EPHA6: variants seen among roughly 807,000 people sequenced by gnomAD.
The protein encoded by EPHA6 is ephrin type-A receptor 6.
In EPHA6, 50 loss-of-function variants were observed where a neutral mutation model predicts 112.0. The ratio of observed to expected loss-of-function variants is 0.45; its 90% confidence interval spans 0.36 to 0.56. EPHA6 has a LOEUF of 0.56. EPHA6 is among the 20% of genes least tolerant of loss of function. The probability of loss-of-function intolerance (pLI) is 0.00; values close to 1 mark genes in which losing one functional copy is unlikely to be tolerated. For missense variants in EPHA6, 1,280 were observed against 1,417.4 expected (o/e 0.90, Z 1.56); for synonymous variants, 529 against 490.7 (o/e 1.08, Z -1.03).
At chr3:96,833,131 G>A (rs2034191692) in intron 1 of EPHA6, among the ~76,000 whole-genome samples, 1 of 150,216 alleles carries the variant, frequency 6.7e-6, no homozygotes, top group Non-Finnish European at 1.5e-5. Flanking sequence ...TTTGTAAATA[G>A]TGTTATTGCA....
intron 14 of EPHA6, among the ~76,000 whole-genome samples, chr3:97,680,702 A>G (rs2031794400): frequency 6.6e-6 from 1 of 152,174 alleles, no homozygotes; most frequent in Non-Finnish European, 1.5e-5. Flanking sequence ...TCATATCCCC[A>G]GTGTCAAACC....
At chr3:96,843,663 G>T (rs1158894539) in intron 1 of EPHA6, among the ~76,000 whole-genome samples, 2 of 151,928 alleles carry the variant, frequency 1.3e-5, no homozygotes, top group Non-Finnish European at 2.9e-5. Context: ...GTGTTGGAGC[G>T]AGGAGCAAGG....
At chr3:97,651,416 C>T (rs2094106692) in intron 14 of EPHA6, among the ~76,000 whole-genome samples, 3 of 151,890 alleles carry the variant, frequency 2.0e-5, no homozygotes, top group African/African-American at 7.2e-5. Context: ...GCATATTGAA[C>T]ACAAAAGGAT....
intron 3 of EPHA6, among the ~76,000 whole-genome samples, chr3:97,122,073 G>A (rs9812537): frequency 0.066 from 9,968 of 151,940 alleles, 373 homozygotes; most frequent in Middle Eastern, 0.14. Flanking sequence ...GTTTACATAC[G>A]TGCCCTCAAT....
chr3:96,832,660 A>G (rs1443607154), intron 1 of EPHA6, among the ~76,000 whole-genome samples: 1 of 152,068 alleles, frequency 6.6e-6, no homozygotes, highest in East Asian at 1.9e-4. Flanking sequence ...TGGCTTCCAT[A>G]CACAATTATT....
At chr3:97,258,860 A>G (rs2079404033) in intron 5 of EPHA6, among the ~76,000 whole-genome samples, 1 of 151,754 alleles carries the variant, frequency 6.6e-6, no homozygotes, top group African/African-American at 2.4e-5. Flanking sequence ...TAGTCTTTTC[A>G]TATTTGCAAT....
intron 11 of EPHA6, among the ~76,000 whole-genome samples, chr3:97,591,716 T>G (rs759454360): frequency 2.1e-4 from 32 of 152,200 alleles, no homozygotes; most frequent in Admixed American, 1.1e-3. Flanking sequence ...AATTATGATG[T>G]TACTATTCCA....
intron 3 of EPHA6, among the ~76,000 whole-genome samples, chr3:97,087,999 G>T (rs1272113520): frequency 6.6e-6 from 1 of 151,982 alleles, no homozygotes; most frequent in Non-Finnish European, 1.5e-5. Context: ...TGGCCAACAT[G>T]GTAAAACCCC....
At chr3:96,862,447 A>G (rs1008598000) in intron 1 of EPHA6, among the ~76,000 whole-genome samples, 12 of 151,988 alleles carry the variant, frequency 7.9e-5, no homozygotes, top group Admixed American at 2.6e-4. Context: ...AAAGTTCTCA[A>G]ACATGTATTT....
intron 2 of EPHA6, among the ~76,000 whole-genome samples, chr3:96,913,201 CA>C (rs1451778162): frequency 2.1e-4 from 26 of 121,214 alleles, no homozygotes; most frequent in African/African-American, 7.6e-4. Context: ...CACACACACA[CA>C]CACACACACA....
chr3:96,955,537 T>G (rs2041723915), intron 2 of EPHA6, among the ~76,000 whole-genome samples: 1 of 152,186 alleles, frequency 6.6e-6, no homozygotes, highest in African/African-American at 2.4e-5. Context: ...TTAATATTTG[T>G]ACTCTTAGTG....
At chr3:97,683,860 A>C (rs945016177) in intron 14 of EPHA6, among the ~76,000 whole-genome samples, 1 of 152,160 alleles carries the variant, frequency 6.6e-6, no homozygotes, top group South Asian at 2.1e-4. Flanking sequence ...TTGTTCATTA[A>C]GCTGTCCCAG....
chr3:97,500,746 A>G (rs1162764762), intron 10 of EPHA6, among the ~76,000 whole-genome samples: 1 of 152,172 alleles, frequency 6.6e-6, no homozygotes, highest in Admixed American at 6.5e-5. Flanking sequence ...AATTAATTCT[A>G]TTATTATCAA....
intron 3 of EPHA6, among the ~76,000 whole-genome samples, chr3:97,026,826 A>C (rs1210045008): frequency 6.6e-6 from 1 of 152,184 alleles, no homozygotes; most frequent in East Asian, 1.9e-4. Flanking sequence ...AATCATATTT[A>C]TACACTGCTA....
chr3:97,638,677 A>T (rs1350465831), intron 14 of EPHA6, among the ~76,000 whole-genome samples: 1 of 152,170 alleles, frequency 6.6e-6, no homozygotes, highest in Non-Finnish European at 1.5e-5. Flanking sequence ...TCCTATGGAT[A>T]GTGTAAATAT....
rs2093556737 is a variant in EPHA6, at chr3:97,592,729, T to A, written c.2504T>A (p.Ile835Asn). The A allele has an allele frequency of 2.5e-6, 4 of 1,593,208 alleles. No individual in the cohort carries two copies. The highest frequency in any genetic ancestry group is 2.7e-5 in the African/African-American group (2 of 73,642). ...GGGGGAGGATCTTTGCCCCCCAGGA[T>A]TCCTGCTGGTAGGTATTTCAGGTGA... ...VPGGGSLPPR[I>N]PAGRPVMIVV... The change falls in exon 12 of 18, where the codon ATT (isoleucine) becomes AAT (asparagine). Residue 835 changes from isoleucine to asparagine, a missense_variant. Physicochemically the swap from Ile to Asn is moderately radical, Grantham distance 149. This residue lies in a region of EPHA6 where 878 missense variants were observed against 999.7 expected (regional missense o/e 0.88). Coordinates refer to ENST00000389672, the MANE Select transcript of EPHA6 (RefSeq NM_001080448.3).
intron 3 of EPHA6, among the ~76,000 whole-genome samples, chr3:97,012,017 C>T: frequency 6.6e-6 from 1 of 152,120 alleles, no homozygotes; most frequent in East Asian, 1.9e-4. Flanking sequence ...GCATAGTACT[C>T]CATGGTACAT....
chr3:97,670,219 A>G (rs1019861947), intron 14 of EPHA6, among the ~76,000 whole-genome samples: 4 of 152,216 alleles, frequency 2.6e-5, no homozygotes, highest in Non-Finnish European at 5.9e-5. Flanking sequence ...AAATGTCCAC[A>G]TAAAACACCA....
intron 3 of EPHA6, among the ~76,000 whole-genome samples, chr3:97,168,525 C>CT (rs1240920536): frequency 6.6e-6 from 1 of 151,952 alleles, no homozygotes; most frequent in Non-Finnish European, 1.5e-5. Context: ...CTGTGTTTCT[C>CT]TGTGTGTTTC....
Sources: gnomAD v4.1 joint callset for allele counts (sites outside exome capture counted in the v4.1 genomes callset) on GRCh38, gnomAD v4.1.1 for gene constraint, gnomAD v4.1.1 regional missense constraint, MANE v1.5 for transcripts, NCBI Gene and HGNC (gene_info 2026-07-23, HGNC 2026-07-21) for gene names.